Variants in DPP6 observed in about 807,000 individuals in gnomAD.
DPP6 encodes the protein dipeptidyl peptidase like 6.
In DPP6, 69 loss-of-function variants were observed where a neutral mutation model predicts 122.6. That is an observed-to-expected ratio of 0.56 (90% confidence interval 0.46 to 0.69). DPP6 has a LOEUF of 0.69. Ranked by LOEUF, DPP6 falls within the 30% of genes least tolerant of loss-of-function variation. DPP6 has a pLI of 0.00. For synonymous variants in DPP6, 418 were observed against 433.1 expected (o/e 0.97, Z 0.43); for missense variants, 928 against 1,116.9 (o/e 0.83, Z 2.41).
chr7:154,461,539 G>A (rs911008114), intron 2 of DPP6, among the ~76,000 whole-genome samples: 5 of 152,176 alleles, frequency 3.3e-5, no homozygotes, highest in South Asian at 2.1e-4. Context: ...GTTATTGAAT[G>A]TCTTTTGGAT....
chr7:153,817,765 G>C, the DPP6 span, among the ~76,000 whole-genome samples: 1 of 122,070 alleles, frequency 8.2e-6, no homozygotes, highest in Admixed American at 9.0e-5. Context: ...AGGGCCTGTC[G>C]TGGGGTGGGG....
chr7:154,191,470 C>G lies in DPP6; in HGVS notation c.243+138407C>G, dbSNP rs201027867. 1.4e-4 allele frequency among the ~76,000 whole-genome samples: 22 copies of G among 152,306 alleles called. No individual in the cohort carries two copies. The East Asian group carries it at 2.9e-3, about 20-fold the overall frequency. On this transcript the variant is annotated intron_variant, in intron 1 of 25. Coordinates refer to ENST00000377770, the MANE Select transcript of DPP6 (RefSeq NM_130797.4). Reference sequence around the variant, plus strand: ...AGATCATAAGTGCAATGTGCGCACACAAGGCCTGTCACTTCTGAAAAAAAT... The same window carrying G: ...AGATCATAAGTGCAATGTGCGCACAGAAGGCCTGTCACTTCTGAAAAAAAT...
intron 7 of DPP6, among the ~76,000 whole-genome samples, chr7:154,700,493 A>T (rs565327748): frequency 2.0e-5 from 3 of 152,314 alleles, no homozygotes; most frequent in African/African-American, 7.2e-5. Context: ...TTGGGCCTGG[A>T]GCATTTTAGG....
At chr7:154,264,430 T>A (rs1036344442) in intron 1 of DPP6, among the ~76,000 whole-genome samples, 1 of 152,162 alleles carries the variant, frequency 6.6e-6, no homozygotes, top group African/African-American at 2.4e-5. Context: ...CTTGCTCAAC[T>A]TTTAATTGGC....
chr7:154,323,032 T>C (rs189923795), intron 1 of DPP6, among the ~76,000 whole-genome samples: 1 of 152,058 alleles, frequency 6.6e-6, no homozygotes, highest in South Asian at 2.1e-4. Context: ...GCTGGCCTGG[T>C]TGCAGAAGAG....
chr7:154,178,277 A>C (rs1187753244), intron 1 of DPP6, among the ~76,000 whole-genome samples: 2 of 152,194 alleles, frequency 1.3e-5, no homozygotes, highest in Non-Finnish European at 2.9e-5. Flanking sequence ...TTGCTCAGGA[A>C]GCAAAGAAGT....
At chr7:154,111,060 C>T (rs1439913828) in intron 1 of DPP6, among the ~76,000 whole-genome samples, 1 of 152,110 alleles carries the variant, frequency 6.6e-6, no homozygotes, top group African/African-American at 2.4e-5. Context: ...ATGGGGGCTT[C>T]GAGCTCAAGC....
chr7:153,942,503 G>A (rs935257912), intron 1 of DPP6, among the ~76,000 whole-genome samples: 3 of 152,188 alleles, frequency 2.0e-5, no homozygotes, highest in Admixed American at 6.5e-5. Context: ...AGGAATGGAC[G>A]GAGGAGCTTC....
At chr7:154,859,921 G>A (rs1421475266) in intron 17 of DPP6, among the ~76,000 whole-genome samples, 1 of 152,202 alleles carries the variant, frequency 6.6e-6, no homozygotes, top group Non-Finnish European at 1.5e-5. Flanking sequence ...TGCGTGTGGC[G>A]GGGTTGAAGC....
chr7:153,871,151 G>A, the DPP6 span, among the ~76,000 whole-genome samples: 19 of 152,192 alleles, frequency 1.2e-4, no homozygotes, highest in Admixed American at 1.2e-3. Context: ...GCTGCGTGCT[G>A]GGAGAACCAC....
chr7:154,163,364 T>A (rs1797075774), intron 1 of DPP6, among the ~76,000 whole-genome samples: 1 of 152,234 alleles, frequency 6.6e-6, no homozygotes, highest in Admixed American at 6.5e-5. Flanking sequence ...ACTTCAGTTA[T>A]TTTACTTGCT....
intron 7 of DPP6, among the ~76,000 whole-genome samples, chr7:154,719,303 G>T (rs1841674223): frequency 6.6e-6 from 1 of 152,160 alleles, no homozygotes; most frequent in African/African-American, 2.4e-5. Context: ...TCCAAAGTGG[G>T]CTGTATGGGC....
chr7:154,445,220 G>T (rs1819756636), intron 1 of DPP6, among the ~76,000 whole-genome samples: 1 of 152,150 alleles, frequency 6.6e-6, no homozygotes, highest in South Asian at 2.1e-4. Flanking sequence ...GCAGTTATGT[G>T]CACTATAAGA....
At position 154,663,701 on chromosome 7, in the gene DPP6, C is replaced by T. The variant is rs1373236290; in HGVS notation, c.681-5659C>T. On this transcript the variant is annotated intron_variant, in intron 6 of 25. Coordinates refer to ENST00000377770, the MANE Select transcript of DPP6 (RefSeq NM_130797.4). ...TGGTGAATCACCATGGCATATCGGC[C>T]GTAGTGTTCATATAGTCATGGTGAA... is the stretch of plus-strand genomic sequence containing the variant. 1.0e-4 allele frequency among the ~76,000 whole-genome samples: 5 copies of T among 49,028 alleles called. 2 individuals carry two copies. The highest frequency in any genetic ancestry group is 1.5e-4 in the Non-Finnish European group (2 of 13,298). The allele number at this position is 49,028 out of a possible 152,430, so 32.2% of individuals were successfully genotyped here.
At chr7:154,625,233 A>G (rs1834989569) in intron 5 of DPP6, among the ~76,000 whole-genome samples, 1 of 152,208 alleles carries the variant, frequency 6.6e-6, no homozygotes. Flanking sequence ...TGGAAACTTT[A>G]GGCTTGAAAG....
chr7:154,442,332 T>C (rs959458442), intron 1 of DPP6, among the ~76,000 whole-genome samples: 2 of 152,294 alleles, frequency 1.3e-5, no homozygotes, highest in East Asian at 1.9e-4. Context: ...GATAAATTAA[T>C]AGTGGAACAG....
At chr7:154,410,898 A>G (rs1816540473) in intron 1 of DPP6, among the ~76,000 whole-genome samples, 1 of 152,232 alleles carries the variant, frequency 6.6e-6, no homozygotes, top group Admixed American at 6.5e-5. Context: ...ATAAAGAAAA[A>G]AGTACAGTTT....
At chr7:154,769,167 A>G (rs1796085711) in intron 8 of DPP6, among the ~76,000 whole-genome samples, 1 of 152,200 alleles carries the variant, frequency 6.6e-6, no homozygotes. Context: ...GACGATTAGC[A>G]TCTGTTTGAT....
chr7:154,693,864 CAG>C (rs1285458606), intron 7 of DPP6, among the ~76,000 whole-genome samples: 1 of 152,144 alleles, frequency 6.6e-6, no homozygotes, highest in Non-Finnish European at 1.5e-5. Flanking sequence ...TGGGCAAAAA[CAG>C]AGGGACTCAC....
Sources: gnomAD v4.1 joint callset for allele counts (sites outside exome capture counted in the v4.1 genomes callset) on GRCh38, gnomAD v4.1.1 for gene constraint, MANE v1.5 for transcripts, NCBI Gene and HGNC (gene_info 2026-07-23, HGNC 2026-07-21) for gene names.